Variants in AK8 observed in about 807,000 individuals in gnomAD.
AK8 encodes ATP-AMP transphosphorylase 8.
In AK8, 44 loss-of-function variants were observed where a neutral mutation model predicts 54.6. The observed-to-expected ratio is 0.81, with a 90% CI of 0.63 to 1.04. The LOEUF is 1.04. Among genes scored for constraint, AK8 ranks in the 50% least tolerant of loss-of-function variants. The probability of loss-of-function intolerance (pLI) is 0.00; values close to 1 mark genes in which losing one functional copy is unlikely to be tolerated. For missense variants in AK8, 555 were observed against 613.6 expected (o/e 0.90, Z 1.01); for synonymous variants, 239 against 245.6 (o/e 0.97, Z 0.25).
Position 132,849,386 on chromosome 9 carries a change from G to A in AK8, c.402+5471C>T, listed in dbSNP as rs555571639. 7.8e-4 allele frequency among the ~76,000 whole-genome samples: 119 copies of A among 152,326 alleles called. 1 individual carries two copies. The highest frequency in any genetic ancestry group is 2.8e-3 in the African/African-American group (117 of 41,564). ...CACAGCCGTGCCCTTTTGTGTCTGT[G>A]TTGTGTACGGCTGCCTTTGTATTAC... On this transcript the variant is annotated intron_variant, in intron 5 of 12. Coordinates refer to ENST00000298545, the MANE Select transcript of AK8 (RefSeq NM_152572.3).
At position 132,860,137 on chromosome 9, in the gene AK8, G is replaced by A. The variant is rs1335527131; in HGVS notation, c.333+3528C>T. 6.6e-6 allele frequency among the ~76,000 whole-genome samples: 1 copy of A among 152,040 alleles called. No individual in the cohort carries two copies. The highest frequency in any genetic ancestry group is 2.4e-5 in the African/African-American group (1 of 41,392). ...GTCCAGGGACAGCCAGCGTCTTCAGGGCATCAAACGTCTCTTCCAGCCCGG... is the reference window on the plus strand; with the variant it reads ...GTCCAGGGACAGCCAGCGTCTTCAGAGCATCAAACGTCTCTTCCAGCCCGG... On this transcript the variant is annotated intron_variant, in intron 4 of 12. Transcript: ENST00000298545. The surrounding 1 kb of genome is among the most constrained non-coding windows in gnomAD (Gnocchi z 4.4).
chr9:132,765,249 T>C (rs1441741081), intron 11 of AK8, among the ~76,000 whole-genome samples: 12 of 122,080 alleles, frequency 9.8e-5, no homozygotes, highest in African/African-American at 3.6e-4. Flanking sequence ...GCCAAGATCA[T>C]GCCACTGCAT....
chr9:132,732,665 G>C (rs1026501165), intron 11 of AK8, among the ~76,000 whole-genome samples: 1 of 152,164 alleles, frequency 6.6e-6, no homozygotes, highest in African/African-American at 2.4e-5. Flanking sequence ...TGCACCCAAA[G>C]AGAGCGTAAC....
intron 10 of AK8, among the ~76,000 whole-genome samples, chr9:132,814,278 CAA>C (rs71376658): frequency 1.1e-4 from 7 of 63,892 alleles, no homozygotes; most frequent in African/African-American, 2.7e-4. Context: ...TACCCTGTCT[CAA>C]AAAAAAAAAA....
At chr9:132,807,584 C>T (rs543861093) in intron 10 of AK8, among the ~76,000 whole-genome samples, 1 of 152,214 alleles carries the variant, frequency 6.6e-6, no homozygotes. Flanking sequence ...GAAGAGCCGG[C>T]GTTGTACCAT....
intron 10 of AK8, among the ~76,000 whole-genome samples, chr9:132,810,986 C>T (rs933657289): frequency 1.3e-5 from 2 of 152,092 alleles, no homozygotes; most frequent in Admixed American, 1.3e-4. Context: ...AAGGGAAAAA[C>T]AGTTAATAGG....
intron 11 of AK8, among the ~76,000 whole-genome samples, chr9:132,742,938 G>A (rs10901207): frequency 0.32 from 49,309 of 152,084 alleles, 8,908 homozygotes; most frequent in South Asian, 0.45. Context: ...ATGGAGCCAC[G>A]ACTCAACCCA....
At chr9:132,805,423 C>T (rs1588150136) in intron 10 of AK8, among the ~76,000 whole-genome samples, 1 of 152,242 alleles carries the variant, frequency 6.6e-6, no homozygotes, top group Non-Finnish European at 1.5e-5. Context: ...TACCCCCCTC[C>T]GGCAGCGCCC....
At chr9:132,752,376 A>G (rs1174229603) in intron 11 of AK8, among the ~76,000 whole-genome samples, 2 of 150,462 alleles carry the variant, frequency 1.3e-5, no homozygotes, top group African/African-American at 4.9e-5. Flanking sequence ...CTGCCTCCCG[A>G]GCAGCTGGGA....
intron 11 of AK8, among the ~76,000 whole-genome samples, chr9:132,742,515 C>G (rs930881003): frequency 6.6e-6 from 1 of 152,212 alleles, no homozygotes; most frequent in Non-Finnish European, 1.5e-5. Context: ...AGGTCACACT[C>G]TGGGGTGACC....
intron 11 of AK8, among the ~76,000 whole-genome samples, chr9:132,745,196 G>A (rs565819506): frequency 1.1e-4 from 16 of 152,294 alleles, no homozygotes; most frequent in Admixed American, 6.5e-4. Flanking sequence ...GTTTACAGGC[G>A]ATTAAATTAT....
chr9:132,797,568 T>A (rs1185412319), intron 10 of AK8, among the ~76,000 whole-genome samples: 1 of 150,666 alleles, frequency 6.6e-6, no homozygotes, highest in Non-Finnish European at 1.5e-5. Flanking sequence ...GAGGGGTCTC[T>A]GGGGTAGGGG....
In AK8 at chr9:132,725,592, C is replaced by T; in HGVS notation, c.*96G>A. The T allele has an allele frequency of 3.5e-6, 4 of 1,155,964 alleles. No individual in the cohort carries two copies. The highest frequency in any genetic ancestry group is 4.9e-6 in the Non-Finnish European group (4 of 815,974). The allele number at this position is 1,155,964 out of a possible 1,614,324, so 71.6% of individuals were successfully genotyped here. A position where few individuals can be genotyped will look rare whatever the true frequency, so the allele number is the denominator to read the frequency against. On this transcript the variant is annotated 3_prime_UTR_variant, in exon 13 of 13. Coordinates refer to ENST00000298545, the MANE Select transcript of AK8 (RefSeq NM_152572.3). ...GACGTACGAGACTGTATCCAGCAGGCTTTATTGGCTTTTTAGGGGAGCTGT... is the reference window on the plus strand; with the variant it reads ...GACGTACGAGACTGTATCCAGCAGGTTTTATTGGCTTTTTAGGGGAGCTGT...
intron 5 of AK8, among the ~76,000 whole-genome samples, chr9:132,849,632 C>A (rs561114697): frequency 1.3e-5 from 2 of 152,252 alleles, no homozygotes; most frequent in East Asian, 3.9e-4. Context: ...GCAGCCCGGC[C>A]GGCAGGGTGT....
At chr9:132,785,173 C>G (rs1178715871) in intron 11 of AK8, among the ~76,000 whole-genome samples, 1 of 150,684 alleles carries the variant, frequency 6.6e-6, no homozygotes, top group Non-Finnish European at 1.5e-5. Flanking sequence ...GGCGTGCTCT[C>G]GGCTCACTGC....
chr9:132,761,804 C>T (rs1244174138), intron 11 of AK8, among the ~76,000 whole-genome samples: 1 of 150,904 alleles, frequency 6.6e-6, no homozygotes, highest in Non-Finnish European at 1.5e-5. Flanking sequence ...TCTTCCCTCC[C>T]TCCCTCCTTC....
chr9:132,817,150 A>C (rs1841368870), intron 9 of AK8, among the ~76,000 whole-genome samples: 1 of 152,240 alleles, frequency 6.6e-6, no homozygotes, highest in African/African-American at 2.4e-5. Flanking sequence ...CAGAAAGGGC[A>C]GACCTTAGCT....
At chr9:132,865,335 A>T (rs1843544203) in intron 3 of AK8, among the ~76,000 whole-genome samples, 1 of 152,098 alleles carries the variant, frequency 6.6e-6, no homozygotes, top group South Asian at 2.1e-4. Context: ...AGTCATTTTA[A>T]CTCCTTTTCA....
rs1271667138 is a variant in AK8 at position 132,803,024 on chromosome 9, A to G, written c.980-10249T>C. On this transcript the variant is annotated intron_variant, in intron 10 of 12. Coordinates refer to ENST00000298545, the MANE Select transcript of AK8 (RefSeq NM_152572.3). This position sits in a 1 kb window ranked among gnomAD's most constrained non-coding sequence, Gnocchi z 4.4. ...GGGAGGCCTTGGGAAACTTACAATC[A>G]TGGCAGAAGGGGAAGCAAACACGTC... Among the ~76,000 whole-genome samples the G allele has an allele frequency of 6.6e-6, 1 of 152,198 alleles. No homozygotes were observed. Among genetic ancestry groups the G allele is most frequent in the African/African-American group, 2.4e-5 (1 of 41,448 alleles).
Sources: gnomAD v4.1 joint callset for allele counts (sites outside exome capture counted in the v4.1 genomes callset) on GRCh38, gnomAD v4.1.1 for gene constraint, Gnocchi (gnomAD v3.1) non-coding constraint, MANE v1.5 for transcripts, NCBI Gene and HGNC (gene_info 2026-07-23, HGNC 2026-07-21) for gene names.